Variants in SNTG1 observed in about 807,000 individuals in gnomAD.
SNTG1 encodes the protein gamma-1-syntrophin.
Under a neutral mutation model 74.7 loss-of-function variants are expected in SNTG1, and 39 were observed. That is an observed-to-expected ratio of 0.52 (90% CI 0.40 to 0.68). The LOEUF (loss-of-function observed/expected upper bound fraction) is 0.68. SNTG1 is among the 30% of genes least tolerant of loss of function. The pLI, the probability that SNTG1 is intolerant of heterozygous loss-of-function variation, is 0.00. For missense variants in SNTG1, 685 were observed against 609.5 expected, an observed-to-expected ratio of 1.12 and a Z score of -1.30; for synonymous variants, 254 against 217.1, an observed-to-expected ratio of 1.17 and a Z score of -1.49.
intron 11 of SNTG1, among the ~76,000 whole-genome samples, chr8:50,551,904 C>T (rs2094429426): frequency 6.6e-6 from 1 of 152,082 alleles, no homozygotes; most frequent in South Asian, 2.1e-4. Flanking sequence ...TTACCATGTG[C>T]CCAGTTCTGA....
chr8:50,692,288 G>A (rs2095384093), intron 15 of SNTG1, among the ~76,000 whole-genome samples: 1 of 152,150 alleles, frequency 6.6e-6, no homozygotes. Flanking sequence ...TCCACTGCTG[G>A]TGAGGAGCTG....
chr8:50,368,823 A>G (rs1455829144), intron 2 of SNTG1, among the ~76,000 whole-genome samples: 1 of 152,172 alleles, frequency 6.6e-6, no homozygotes, highest in East Asian at 1.9e-4. Context: ...TTCTGCTTTC[A>G]TGGGAATCAT....
chr8:50,765,937 C>A (rs559352282), intron 18 of SNTG1, among the ~76,000 whole-genome samples: 1 of 152,024 alleles, frequency 6.6e-6, no homozygotes, highest in African/African-American at 2.4e-5. Context: ...TATGAGTAAA[C>A]AATACTGAGG....
intron 13 of SNTG1, among the ~76,000 whole-genome samples, chr8:50,602,840 C>T (rs2094784840): frequency 6.6e-6 from 1 of 151,438 alleles, no homozygotes; most frequent in African/African-American, 2.4e-5. Flanking sequence ...CCTCTACTGG[C>T]CTGTCAGGTT....
At chr8:50,561,946 T>C (rs1298358467) in intron 12 of SNTG1, among the ~76,000 whole-genome samples, 1 of 152,188 alleles carries the variant, frequency 6.6e-6, no homozygotes, top group Non-Finnish European at 1.5e-5. Context: ...TGTCATTCCT[T>C]AGGGTCAAAA....
intron 2 of SNTG1, among the ~76,000 whole-genome samples, chr8:50,265,503 T>C (rs1353622813): frequency 6.6e-6 from 1 of 152,060 alleles, no homozygotes; most frequent in Non-Finnish European, 1.5e-5. Flanking sequence ...ATAAAAAACC[T>C]ATAGCTGGCA....
At chr8:50,687,083 C>G (rs1485477952) in intron 15 of SNTG1, among the ~76,000 whole-genome samples, 2 of 149,106 alleles carry the variant, frequency 1.3e-5, no homozygotes, top group South Asian at 4.2e-4. Context: ...TGCAGTGAGC[C>G]GAGATTGCGC....
intron 17 of SNTG1, among the ~76,000 whole-genome samples, chr8:50,750,361 T>C (rs1326805288): frequency 1.3e-5 from 2 of 152,042 alleles, no homozygotes; most frequent in Admixed American, 6.6e-5. Context: ...CTTATGAAAA[T>C]GCTGTGAATA....
chr8:50,761,335 T>C (rs1032015161), intron 18 of SNTG1, among the ~76,000 whole-genome samples: 1 of 151,868 alleles, frequency 6.6e-6, no homozygotes, highest in African/African-American at 2.4e-5. Flanking sequence ...CCTTCAGTAA[T>C]GTTGTGTTAA....
chr8:50,448,537 A>C (rs1277569627), intron 5 of SNTG1, among the ~76,000 whole-genome samples: 1 of 152,154 alleles, frequency 6.6e-6, no homozygotes, highest in Non-Finnish European at 1.5e-5. Context: ...GCTGTGTTAC[A>C]AGTTCTATGC....
At chr8:50,160,199 A>G (rs529697369) in intron 1 of SNTG1, among the ~76,000 whole-genome samples, 65 of 152,176 alleles carry the variant, frequency 4.3e-4, no homozygotes, top group Non-Finnish European at 8.4e-4. Flanking sequence ...GGTTGGAAGA[A>G]CTATTTCTAG....
intron 1 of SNTG1, among the ~76,000 whole-genome samples, chr8:50,126,672 A>G (rs2081151334): frequency 1.3e-5 from 2 of 152,036 alleles, no homozygotes; most frequent in South Asian, 4.1e-4. Flanking sequence ...ACAGATCCCA[A>G]TGTTGGTGAT....
At chr8:50,171,861 C>T (rs1000422566) in intron 1 of SNTG1, among the ~76,000 whole-genome samples, 4 of 152,158 alleles carry the variant, frequency 2.6e-5, no homozygotes, top group Non-Finnish European at 4.4e-5. Context: ...CCAGCTTCAT[C>T]CCCTTGAGAC....
intron 11 of SNTG1, among the ~76,000 whole-genome samples, chr8:50,543,366 A>C (rs2094362200): frequency 6.6e-6 from 1 of 152,134 alleles, no homozygotes; most frequent in African/African-American, 2.4e-5. Flanking sequence ...CCTTTGTTGA[A>C]TGTGAGTTGG....
At chr8:50,496,719 A>G (rs948481878) in intron 8 of SNTG1, among the ~76,000 whole-genome samples, 4 of 152,134 alleles carry the variant, frequency 2.6e-5, no homozygotes, top group African/African-American at 7.2e-5. Context: ...GATTGTCACC[A>G]TTTATCAACC....
intron 2 of SNTG1, among the ~76,000 whole-genome samples, chr8:50,230,315 T>C (rs980310668): frequency 1.1e-4 from 3 of 26,990 alleles, no homozygotes; most frequent in Non-Finnish European, 1.0e-3. Context: ...TCTAAAAAGA[T>C]TGAGAAAGAA....
At chr8:49,958,715 A>C (rs115325475) in intron 1 of SNTG1, among the ~76,000 whole-genome samples, 1 of 152,218 alleles carries the variant, frequency 6.6e-6, no homozygotes, top group Non-Finnish European at 1.5e-5. Flanking sequence ...CACTACGCCC[A>C]GCCAACATTT....
At chr8:50,354,243 T>A (rs867643359) in intron 2 of SNTG1, among the ~76,000 whole-genome samples, 11 of 152,236 alleles carry the variant, frequency 7.2e-5, no homozygotes, top group African/African-American at 2.7e-4. Context: ...CAATTCTTTA[T>A]GTCTGGAGCA....
intron 1 of SNTG1, among the ~76,000 whole-genome samples, chr8:50,155,362 T>C (rs2082219909): frequency 6.6e-6 from 1 of 152,134 alleles, no homozygotes. Context: ...AACAATTTGA[T>C]ATCCACAGTA....
Sources: allele counts gnomAD v4.1 joint callset (sites outside exome capture counted in the v4.1 genomes callset), GRCh38; gene constraint gnomAD v4.1.1; transcripts MANE v1.5; gene names NCBI Gene and HGNC (gene_info 2026-07-23, HGNC 2026-07-21).